The following PPP6R2 variants were observed in gnomAD, a reference collection of about 807,000 sequenced individuals.
PPP6R2 encodes the protein protein phosphatase 6 regulatory subunit 2.
Under a neutral mutation model 100.2 loss-of-function variants are expected in PPP6R2, and 62 were observed. The ratio of observed to expected loss-of-function variants is 0.62; its 90% CI spans 0.50 to 0.76. PPP6R2 has a LOEUF of 0.76. Ranked by LOEUF, PPP6R2 falls within the 30% of genes least tolerant of loss-of-function variation. PPP6R2 has a pLI of 0.00. For missense variants in PPP6R2, 1,142 were observed against 1,276.3 expected (o/e 0.89, Z 1.60); for synonymous variants, 525 against 514.7 (o/e 1.02, Z -0.27).
chr22:50,439,793 G>A lies in PPP6R2; in HGVS notation c.2221G>A (p.Ala741Thr), dbSNP rs754114297. 5 of 1,613,780 alleles carry A rather than the reference G, an allele frequency of 3.1e-6. No individual in the cohort carries two copies. The Admixed American group carries it at 6.7e-5, about 22-fold the overall frequency. ...GGACGTGGGTTCCAGTGTGTGGGCA[G>A]CTGGCACCTCAGCTCCAGAGGAGAA... The part of the protein sequence containing the change: ...VRDVGSSVWA[A>T]GTSAPEEKGW... Residue 741 changes from alanine to threonine, a missense_variant, in exon 20 of 24, where the codon GCT becomes ACT. Around this residue, in one of 2 missense-constraint regions of PPP6R2, gnomAD observed 550 missense variants for 517.4 expected, o/e 1.06. Coordinates refer to ENST00000612753, the MANE Select transcript of PPP6R2 (RefSeq NM_001242898.2).
chr22:50,412,562 A>G (rs2147368517), intron 4 of PPP6R2, among the ~76,000 whole-genome samples: 1 of 149,660 alleles, frequency 6.7e-6, no homozygotes, highest in Middle Eastern at 3.6e-3. Context: ...TATTAATTAT[A>G]GATTTTGTGG....
chr22:50,387,442 C>G (rs1419799591), intron 2 of PPP6R2, among the ~76,000 whole-genome samples: 1 of 152,066 alleles, frequency 6.6e-6, no homozygotes, highest in African/African-American at 2.4e-5. Flanking sequence ...ACTCTTTTTC[C>G]TGGTCTTTTT....
At chr22:50,406,543 G>A (rs1165523808) in intron 3 of PPP6R2, 146 bp from the exon 4 acceptor site, 6 of 698,844 alleles carry the variant, frequency 8.6e-6, no homozygotes, top group Non-Finnish European at 1.4e-5. Flanking sequence ...CTGGTCACAG[G>A]TAGTCACGTT....
At chr22:50,349,176 C>G (rs2044415372) in intron 1 of PPP6R2, among the ~76,000 whole-genome samples, 1 of 125,646 alleles carries the variant, frequency 8.0e-6, no homozygotes, top group African/African-American at 3.0e-5. Context: ...GCCTGGGCGA[C>G]AAGAGTGAGA....
intron 1 of PPP6R2, among the ~76,000 whole-genome samples, chr22:50,357,460 CCCTT>C (rs1309704627): frequency 2.3e-4 from 35 of 151,108 alleles, no homozygotes; most frequent in African/African-American, 8.0e-4. Flanking sequence ...TTCCCTACCT[CCCTT>C]CCTTCCTTTC....
rs1312936222 is a variant in PPP6R2, at chr22:50,444,394, TG to T, written c.*149del. 1 of 1,095,910 alleles carries T rather than the reference TG, an allele frequency of 9.1e-7. No individual in the cohort carries two copies. The highest frequency in any genetic ancestry group is 1.3e-6 in the Non-Finnish European group (1 of 768,130). 67.9% of individuals were successfully genotyped at this position (1,095,910 alleles called of 1,614,324 possible). A position where few individuals can be genotyped will look rare whatever the true frequency, so the allele number is the denominator to read the frequency against. ...GGTAAAGCTGGCAGTTGAAACCAGT[TG>T]GACGGCCCAGCTTGCGTCTCTTCTG... On this transcript the variant is annotated 3_prime_UTR_variant, in exon 24 of 24. Transcript: ENST00000612753.
At chr22:50,432,429 G>C in intron 12 of PPP6R2, 100 bp downstream of exon 12, 1 of 1,182,576 alleles carries the variant, frequency 8.5e-7, no homozygotes, top group South Asian at 1.3e-5. Flanking sequence ...AGGACTGCAG[G>C]ATCGGGTGGA....
rs368091681 is a variant in PPP6R2 at position 50,436,377 on chromosome 22, G to A, written c.1527G>A (p.Ala509=). 5.7e-6 allele frequency: 9 copies of A among 1,577,992 alleles called. No individual in the cohort carries two copies. Among genetic ancestry groups the A allele is most frequent in the South Asian group, 3.5e-5 (3 of 85,884 alleles). Residue 509 remains alanine (A), a synonymous_variant, in exon 14 of 24, where the codon GCG becomes GCA. Coordinates refer to ENST00000612753, the MANE Select transcript of PPP6R2 (RefSeq NM_001242898.2). ...GCACTTCCCTTGCAGGGCTCCCTGC[G>A]GACTGCCGTGGCCGCTGGGAGAGCT... ...HISEVIRGLP[A]DCRGRWESFV...
At position 50,375,832 on chromosome 22, in the gene PPP6R2, A is replaced by ATT. The variant is rs557118142; in HGVS notation, c.-17+3707_-17+3708dup. On this transcript the variant is annotated intron_variant, in intron 2 of 23. Transcript: ENST00000612753. The stretch of plus-strand genomic sequence containing the variant: ...CCTAAGATACAAAGAATCCCTGCAG[A>ATT]TTTTTTTTTTTTTTTTTTTTTTTTT... Among the ~76,000 whole-genome samples, 85 of 64,548 alleles carry ATT rather than the reference A, an allele frequency of 1.3e-3. 8 individuals are homozygous for ATT. Among genetic ancestry groups the ATT allele is most frequent in the African/African-American group, 3.8e-3 (46 of 12,004 alleles). The allele number at this position is 64,548 out of a possible 152,430, so 42.3% of individuals were successfully genotyped here. A position where few individuals can be genotyped will look rare whatever the true frequency, so the allele number is the denominator to read the frequency against.
At chr22:50,427,236 G>A (rs1255510208) in intron 10 of PPP6R2, among the ~76,000 whole-genome samples, 1 of 151,680 alleles carries the variant, frequency 6.6e-6, no homozygotes, top group Non-Finnish European at 1.5e-5. Flanking sequence ...GTTTCTTTCT[G>A]GACTCTCTGT....
chr22:50,401,435 C>T (rs2058013335), intron 3 of PPP6R2, among the ~76,000 whole-genome samples: 2 of 150,272 alleles, frequency 1.3e-5, no homozygotes, highest in Admixed American at 6.7e-5. Context: ...TCTCGATCTC[C>T]TGACCTCGTG....
chr22:50,435,621 C>T (rs1022709792), intron 13 of PPP6R2, among the ~76,000 whole-genome samples: 4 of 152,182 alleles, frequency 2.6e-5, no homozygotes, highest in South Asian at 2.1e-4. Flanking sequence ...TCCCTATACC[C>T]GTGTAAGGTG....
At chr22:50,441,319 A>AGTC (rs141953170) in intron 22 of PPP6R2, among the ~76,000 whole-genome samples, 5,804 of 152,290 alleles carry the variant, frequency 0.038, 177 homozygotes, top group East Asian at 0.082. Context: ...TGTCCCAGAC[A>AGTC]GTCCCCCAGG....
intron 1 of PPP6R2, among the ~76,000 whole-genome samples, chr22:50,368,510 A>G (rs994741947): frequency 6.6e-6 from 1 of 152,216 alleles, no homozygotes; most frequent in Non-Finnish European, 1.5e-5. Flanking sequence ...AGATTATTAT[A>G]ATATTGGAAT....
intron 1 of PPP6R2, among the ~76,000 whole-genome samples, chr22:50,354,553 C>T (rs1028474365): frequency 2.6e-5 from 4 of 151,942 alleles, no homozygotes; most frequent in Middle Eastern, 3.4e-3. Flanking sequence ...TAGGTGGGCA[C>T]GGCGCCTCAC....
intron 4 of PPP6R2, among the ~76,000 whole-genome samples, chr22:50,413,255 A>C (rs1203395799): frequency 6.6e-6 from 1 of 151,826 alleles, no homozygotes; most frequent in African/African-American, 2.4e-5. Context: ...GAGCCACCGC[A>C]CCTGGCCAGA....
rs1241347011 is a variant in PPP6R2 at position 50,402,907 on chromosome 22, C to T, written c.228-3782C>T. Among the ~76,000 whole-genome samples, 6 of 152,160 alleles carry T rather than the reference C, an allele frequency of 3.9e-5. No homozygotes were observed. The East Asian group carries it at 9.6e-4, about 24-fold the overall frequency. ...TGTGCCATGTGTGCACACGTTTGTC[C>T]GTGTGTAGACAAGATGAGTTTGGAG... On this transcript the variant is annotated intron_variant, in intron 3 of 23. Transcript: ENST00000612753.
Position 50,393,740 on chromosome 22 carries a change from C to A in PPP6R2, c.-16-153C>A, listed in dbSNP as rs972158361. 15 of 985,226 alleles carry A rather than the reference C, an allele frequency of 1.5e-5. No homozygotes were observed. The African/African-American group carries it at 2.4e-4, about 16-fold the overall frequency. 61.0% of individuals were successfully genotyped at this position (985,226 alleles called of 1,614,324 possible). A position where few individuals can be genotyped will look rare whatever the true frequency, so the allele number is the denominator to read the frequency against. The stretch of plus-strand genomic sequence containing the variant: ...CTGAGCTCTGGGAATCTTGTGTGTT[C>A]ATGCTGCAGATGGACTTCCAGGACT... On this transcript the variant is annotated intron_variant, in intron 2 of 23. Coordinates refer to ENST00000612753, the MANE Select transcript of PPP6R2 (RefSeq NM_001242898.2).
chr22:50,444,117 G>A lies in PPP6R2; in HGVS notation c.2831G>A (p.Gly944Glu), dbSNP rs1411249354. ...VATLGTVTKD[G>E]KTDAPPEGAA... ...ACCCTGGGGACAGTGACAAAGGACG[G>A]GTGAGCAGGTTGAGTGTGGGGGTAG... Residue 944 changes from glycine (G) to glutamate (E), a missense_variant and splice_region_variant, in exon 23 of 24, where the codon GGG becomes GAG. By Grantham distance (98) the Gly-to-Glu change is moderately conservative. Coordinates refer to ENST00000612753, the MANE Select transcript of PPP6R2 (RefSeq NM_001242898.2). The A allele has an allele frequency of 6.2e-7, 1 of 1,611,972 alleles. No individual in the cohort carries two copies. The highest frequency in any genetic ancestry group is 8.5e-7 in the Non-Finnish European group (1 of 1,178,670).
Sources: gnomAD v4.1 joint callset for allele counts (sites outside exome capture counted in the v4.1 genomes callset) on GRCh38, gnomAD v4.1.1 for gene constraint, gnomAD v4.1.1 regional missense constraint, MANE v1.5 for transcripts, NCBI Gene and HGNC (gene_info 2026-07-23, HGNC 2026-07-21) for gene names.